Variants in CYP2C19 observed in about 807,000 individuals in gnomAD.
CYP2C19 encodes the protein cytochrome P450 family 2 subfamily C member 19, also known as cytochrome P450 2C19.
In CYP2C19, 59 loss-of-function variants were observed where a neutral mutation model predicts 40.9. That is an observed-to-expected ratio of 1.44 (90% CI 1.17 to 1.79). CYP2C19 has a LOEUF of 1.79. Ranked by LOEUF, CYP2C19 falls within the 40% of genes most tolerant of loss-of-function variation. CYP2C19 has a pLI of 0.00. For missense variants in CYP2C19, 754 were observed against 596.9 expected, an observed-to-expected ratio of 1.26 and a Z score of -2.74; for synonymous variants, 253 against 208.7, an observed-to-expected ratio of 1.21 and a Z score of -1.83.
rs114955900 is a variant in CYP2C19 at position 94,775,961 on chromosome 10, G to A, written c.481+422G>A. 2.3e-3 allele frequency: 491 copies of A among 209,988 alleles called. 3 individuals are homozygous for A. Among genetic ancestry groups the A allele is most frequent in the African/African-American group, 0.011 (457 of 42,942 alleles). 13.0% of individuals were successfully genotyped at this position (209,988 alleles called of 1,614,324 possible). ...ACCCCTAGGGAGCATGAACCAAATG[G>A]CATGTGCTTTTATTTAATTGGACTA... On this transcript the variant is annotated intron_variant, in intron 3 of 8. Transcript: ENST00000371321.
intron 5 of CYP2C19, among the ~76,000 whole-genome samples, chr10:94,797,219 T>C (rs567708767): frequency 1.4e-4 from 21 of 151,798 alleles, no homozygotes; most frequent in Non-Finnish European, 2.8e-4. Context: ...TGAATTTTGT[T>C]GAAGGCCTTT....
At chr10:94,784,781 G>A (rs970872147) in intron 5 of CYP2C19, among the ~76,000 whole-genome samples, 2 of 151,990 alleles carry the variant, frequency 1.3e-5, no homozygotes, top group Admixed American at 1.3e-4. Context: ...GTAGAGATAG[G>A]GTTTCACCAT....
At chr10:94,783,974 C>G (rs139198915) in intron 5 of CYP2C19, among the ~76,000 whole-genome samples, 1,654 of 152,246 alleles carry the variant, frequency 0.011, 8 homozygotes, top group Admixed American at 0.019. Flanking sequence ...TTAATGTATT[C>G]ACAATGTTGT....
At chr10:94,827,807 A>G (rs569103258) in intron 6 of CYP2C19, among the ~76,000 whole-genome samples, 6 of 152,258 alleles carry the variant, frequency 3.9e-5, no homozygotes, top group Admixed American at 6.5e-5. Context: ...ATTTAGTGCC[A>G]TAAATTTCCC....
chr10:94,817,775 A>T (rs1477124074), intron 5 of CYP2C19, among the ~76,000 whole-genome samples: 1 of 152,040 alleles, frequency 6.6e-6, no homozygotes, highest in Non-Finnish European at 1.5e-5. Flanking sequence ...GCACTTTGGG[A>T]GGCCGAGGCG....
intron 7 of CYP2C19, 130 bp from the exon 8 acceptor site, chr10:94,849,787 T>C: frequency 8.8e-7 from 1 of 1,133,010 alleles, no homozygotes; most frequent in South Asian, 1.3e-5. Flanking sequence ...TGTCTGGAAA[T>C]GGTACTGCTC....
intron 5 of CYP2C19, among the ~76,000 whole-genome samples, chr10:94,785,910 A>T (rs569855817): frequency 9.2e-5 from 14 of 152,186 alleles, no homozygotes; most frequent in African/African-American, 3.4e-4. Context: ...GCATAATAAC[A>T]TTAGAGTGGG....
Position 94,841,385 on chromosome 10 carries a change from G to C in CYP2C19, c.962-1452G>C, listed in dbSNP as rs1020255972. Among the ~76,000 whole-genome samples the C allele has an allele frequency of 8.5e-5, 13 of 152,306 alleles. 1 individual carries two copies. The East Asian group carries it at 2.5e-3, about 29-fold the overall frequency. On this transcript the variant is annotated intron_variant, in intron 6 of 8. Coordinates refer to ENST00000371321, the MANE Select transcript of CYP2C19 (RefSeq NM_000769.4). ...AGGGATGGAAGTCTGCAGCGGGTTT[G>C]CGATGGTGGCAAACAGCAGTGGTGG...
At position 94,801,403 on chromosome 10, in the gene CYP2C19, T is replaced by C. The variant is rs546483804; in HGVS notation, c.820-19093T>C. On this transcript the variant is annotated intron_variant, in intron 5 of 8. Transcript: ENST00000371321. ...TCAGTTACCATGTCATCATGCAGTT[T>C]TGAGTGAGTCTCTTAATCCTGAGTT... Among the ~76,000 whole-genome samples the C allele has an allele frequency of 3.3e-5, 5 of 152,324 alleles. No homozygotes were observed. In the South Asian group the frequency reaches 1.0e-3, roughly 32 times the overall value.
In CYP2C19 at chr10:94,800,527, C is replaced by T. The variant is rs191705666; in HGVS notation, c.819+18530C>T. Among the ~76,000 whole-genome samples the T allele has an allele frequency of 1.9e-3, 297 of 152,308 alleles. 2 individuals are homozygous for T. Among genetic ancestry groups the T allele is most frequent in the Non-Finnish European group, 2.9e-3 (200 of 68,022 alleles). On this transcript the variant is annotated intron_variant, in intron 5 of 8. Transcript: ENST00000371321. ...TCTGTCTGTTCTCAGAGCTCAAACG[C>T]CATGGTGGGAGAAGCACTGCTCTCT...
intron 6 of CYP2C19, among the ~76,000 whole-genome samples, chr10:94,832,822 G>T (rs1251414336): frequency 6.6e-6 from 1 of 151,910 alleles, no homozygotes; most frequent in African/African-American, 2.4e-5. Context: ...ATTTGATGGG[G>T]ATTTTATTGA....
At chr10:94,849,036 G>A (rs1390636446) in intron 7 of CYP2C19, among the ~76,000 whole-genome samples, 1 of 152,174 alleles carries the variant, frequency 6.6e-6, no homozygotes, top group Non-Finnish European at 1.5e-5. Context: ...GGGACAATTA[G>A]ACTTCATCTT....
chr10:94,820,494 A>T lies in CYP2C19; in HGVS notation c.820-2A>T. ...CAGATAATTGCATCAAATCATTCCT[A>T]GGAAAAGCAAAACCAACAGTCTGAA... On this transcript the variant is annotated splice_acceptor_variant, in intron 5 of 8. Transcript: ENST00000371321. LOFTEE classifies it high-confidence loss of function. The T allele has an allele frequency of 1.2e-6, 2 of 1,614,166 alleles. No individual in the cohort carries two copies. The highest frequency in any genetic ancestry group is 8.5e-7 in the Non-Finnish European group (1 of 1,179,998).
chr10:94,775,749 T>A, intron 3 of CYP2C19: 1 of 713,154 alleles, frequency 1.4e-6, no homozygotes, highest in Non-Finnish European at 2.3e-6. Flanking sequence ...AGTGTGGGTA[T>A]AAAAGTTCAT....
At chr10:94,766,781 G>A (rs1564658291) in intron 1 of CYP2C19, among the ~76,000 whole-genome samples, 1 of 152,160 alleles carries the variant, frequency 6.6e-6, no homozygotes, top group South Asian at 2.1e-4. Flanking sequence ...GGTACTGCAG[G>A]TTCCTCAGGG....
rs1310899036 is a variant in CYP2C19, at chr10:94,854,436, CT to C, written c.*1523del. On this transcript the variant is annotated 3_prime_UTR_variant, in exon 9 of 9. Transcript: ENST00000371321. ...ATGCTATTGTCCTAATATAATTAGC[CT>C]CATGTCATCTCCAAAGCATAGACAA... 6.6e-6 allele frequency among the ~76,000 whole-genome samples: 1 copy of C among 151,912 alleles called. No individual in the cohort carries two copies. The highest frequency in any genetic ancestry group is 1.5e-5 in the Non-Finnish European group (1 of 67,992).
intron 3 of CYP2C19, among the ~76,000 whole-genome samples, chr10:94,779,566 C>CTTTTCTTTTCTTTTCTTTTCT (rs762886433): frequency 4.9e-5 from 7 of 142,382 alleles, no homozygotes; most frequent in South Asian, 4.5e-4. Flanking sequence ...CTTTTCTTTT[C>CTTTTCTTTTCTTTTCTTTTCT]TTTTTTTTTT....
Position 94,775,226 on chromosome 10 carries a change from T to C in CYP2C19, c.331+6T>C. 6.2e-7 allele frequency: 1 copy of C among 1,614,006 alleles called. No individual in the cohort carries two copies. Among genetic ancestry groups the C allele is most frequent in the Non-Finnish European group, 8.5e-7 (1 of 1,179,998 alleles). On this transcript the variant is annotated splice_donor_region_variant and intron_variant, in intron 2 of 8. Transcript: ENST00000371321. Reference sequence around the variant, plus strand: ...AAGAGCTAACAGAGGATTTGGTAGGTGTGCAAGTGCCTGTTTCAGCATCTG... The same window carrying C: ...AAGAGCTAACAGAGGATTTGGTAGGCGTGCAAGTGCCTGTTTCAGCATCTG...
chr10:94,799,522 G>A (rs1848735866), intron 5 of CYP2C19, among the ~76,000 whole-genome samples: 1 of 152,122 alleles, frequency 6.6e-6, no homozygotes, highest in African/African-American at 2.4e-5. Context: ...GGCTTTCTCT[G>A]TGTTTCCTAA....
Sources: gnomAD v4.1 joint callset for allele counts (sites outside exome capture counted in the v4.1 genomes callset) on GRCh38, gnomAD v4.1.1 for gene constraint, MANE v1.5 for transcripts, NCBI Gene and HGNC (gene_info 2026-07-23, HGNC 2026-07-21) for gene names.